Variants in TTC7B observed in about 807,000 individuals in gnomAD.
TTC7B encodes tetratricopeptide repeat protein 7B.
A neutral mutation model predicts 106.8 loss-of-function variants in TTC7B; 28 were observed. The ratio of observed to expected loss-of-function variants is 0.26; its 90% CI spans 0.19 to 0.36. TTC7B has a LOEUF of 0.36. Among genes scored for constraint, TTC7B ranks in the 10% least tolerant of loss-of-function variants. The pLI, the probability that TTC7B is intolerant of heterozygous loss-of-function variation, is 1.00. For synonymous variants in TTC7B, 405 were observed against 430.6 expected (o/e 0.94, Z 0.74); for missense variants, 862 against 1,076.4 (o/e 0.80, Z 2.79).
chr14:90,640,283 AAAAG>A (rs1452015765), intron 15 of TTC7B, among the ~76,000 whole-genome samples: 2 of 151,402 alleles, frequency 1.3e-5, no homozygotes, highest in Non-Finnish European at 3.0e-5. Flanking sequence ...AAACAAAAAA[AAAAG>A]AGAGAGAGAA....
chr14:90,769,391 A>T (rs934623894), intron 3 of TTC7B, among the ~76,000 whole-genome samples: 1 of 152,238 alleles, frequency 6.6e-6, no homozygotes, highest in Non-Finnish European at 1.5e-5. Flanking sequence ...GAATGGATTT[A>T]AAAAACATGA....
At chr14:90,671,337 C>T (rs1253360952) in intron 9 of TTC7B, among the ~76,000 whole-genome samples, 1 of 152,212 alleles carries the variant, frequency 6.6e-6, no homozygotes, top group Non-Finnish European at 1.5e-5. Context: ...TTACCACAAA[C>T]ACATGAATAT....
At chr14:90,658,119 A>T (rs1886025255) in intron 10 of TTC7B, 185 bp downstream of exon 10, 1 of 597,602 alleles carries the variant, frequency 1.7e-6, no homozygotes, top group South Asian at 2.1e-5. Flanking sequence ...CTTCTCAGTG[A>T]TAAGTCCATC....
chr14:90,796,222 G>A (rs987781394), intron 1 of TTC7B, among the ~76,000 whole-genome samples: 1 of 152,172 alleles, frequency 6.6e-6, no homozygotes, highest in Non-Finnish European at 1.5e-5. Flanking sequence ...ATTCTCAGGG[G>A]ACAGGGGTAA....
chr14:90,786,733 T>A (rs1369279744), intron 1 of TTC7B, among the ~76,000 whole-genome samples: 2 of 152,074 alleles, frequency 1.3e-5, no homozygotes, highest in Admixed American at 1.3e-4. Context: ...GCACCTGCCA[T>A]CACGCCCGAC....
At chr14:90,546,428 G>T (rs1035462009) in intron 19 of TTC7B, among the ~76,000 whole-genome samples, 5 of 152,234 alleles carry the variant, frequency 3.3e-5, no homozygotes, top group African/African-American at 7.2e-5. Context: ...AGCACCAGCT[G>T]CGTCCAACCT....
At chr14:90,637,932 C>G (rs1566811671) in intron 15 of TTC7B, among the ~76,000 whole-genome samples, 1 of 152,192 alleles carries the variant, frequency 6.6e-6, no homozygotes, top group Admixed American at 6.5e-5. Flanking sequence ...GGGCCTCGCT[C>G]TGTTGCCCAG....
intron 17 of TTC7B, chr14:90,601,985 G>C: frequency 2.7e-6 from 1 of 370,932 alleles, no homozygotes; most frequent in South Asian, 2.1e-5. Context: ...CCTAATGTGT[G>C]ATGACAGCAC....
At chr14:90,656,649 C>T (rs1022906822) in intron 11 of TTC7B, among the ~76,000 whole-genome samples, 10 of 152,078 alleles carry the variant, frequency 6.6e-5, no homozygotes, top group African/African-American at 2.2e-4. Context: ...AAAAATTAGC[C>T]GGGTGCAGTG....
intron 10 of TTC7B, 100 bp downstream of exon 10, chr14:90,658,204 A>G (rs1263939325): frequency 9.8e-6 from 10 of 1,025,576 alleles, no homozygotes; most frequent in Non-Finnish European, 1.5e-5. Flanking sequence ...GGCTCGAAAG[A>G]CTTCCACAAA....
At chr14:90,665,011 G>A (rs147530711) in intron 9 of TTC7B, among the ~76,000 whole-genome samples, 6 of 152,270 alleles carry the variant, frequency 3.9e-5, no homozygotes, top group Non-Finnish European at 7.4e-5. Context: ...GTCTTTGAGT[G>A]GCATGAGCTA....
intron 5 of TTC7B, among the ~76,000 whole-genome samples, chr14:90,728,250 C>A (rs1889186911): frequency 7.0e-6 from 1 of 143,844 alleles, no homozygotes; most frequent in Non-Finnish European, 1.5e-5. Flanking sequence ...GTAATCCTAA[C>A]ACTTAGGGAG....
chr14:90,809,511 C>A (rs1298015785), intron 1 of TTC7B, among the ~76,000 whole-genome samples: 1 of 152,230 alleles, frequency 6.6e-6, no homozygotes, highest in East Asian at 1.9e-4. Flanking sequence ...GCTGGATTGA[C>A]AACCAGGGAA....
chr14:90,552,997 G>C lies in TTC7B; in HGVS notation c.2311-11408C>G, dbSNP rs543367277. On this transcript the variant is annotated intron_variant, in intron 19 of 19. Transcript: ENST00000328459. ...AAAGACTGAGGCCCAAAGAACCTCA[G>C]GAAGGGGAGTGATGCTTTTGTCTGG... is the stretch of plus-strand genomic sequence containing the variant. Among the ~76,000 whole-genome samples the C allele has an allele frequency of 2.6e-3, 403 of 152,372 alleles. 2 individuals carry two copies. Among genetic ancestry groups the C allele is most frequent in the Middle Eastern group, 6.8e-3 (2 of 294 alleles).
At chr14:90,763,392 T>A (rs1011528772) in intron 3 of TTC7B, among the ~76,000 whole-genome samples, 3 of 152,174 alleles carry the variant, frequency 2.0e-5, no homozygotes, top group Non-Finnish European at 4.4e-5. Context: ...ATAAAGGCTA[T>A]CTATGAAAAC....
chr14:90,650,276 CT>C (rs1885658621), intron 13 of TTC7B, among the ~76,000 whole-genome samples: 1 of 152,194 alleles, frequency 6.6e-6, no homozygotes. Context: ...GCCAATTCTC[CT>C]TGAATTTCCC....
Position 90,559,140 on chromosome 14 carries a change from A to C in TTC7B, c.2311-17551T>G, listed in dbSNP as rs1246015992. ...GGCACAGTGATGTGACCGCTTACCC[A>C]GGCCGGGCAAACGCGGAGCTTGGAG... On this transcript the variant is annotated intron_variant, in intron 19 of 19. Transcript: ENST00000328459. Among the ~76,000 whole-genome samples, 3 of 152,256 alleles carry C rather than the reference A, an allele frequency of 2.0e-5. No individual in the cohort carries two copies. In the East Asian group the frequency reaches 5.8e-4, roughly 29 times the overall value.
chr14:90,664,716 A>T (rs540169958), intron 9 of TTC7B, among the ~76,000 whole-genome samples: 1 of 152,334 alleles, frequency 6.6e-6, no homozygotes, highest in African/African-American at 2.4e-5. Context: ...GTGAGGACAA[A>T]AAGAGCAGTC....
chr14:90,788,724 G>A (rs1891475111), intron 1 of TTC7B, among the ~76,000 whole-genome samples: 1 of 152,068 alleles, frequency 6.6e-6, no homozygotes, highest in Non-Finnish European at 1.5e-5. Context: ...CAGCACTTTG[G>A]GAGGCCAAGG....
Sources: gnomAD v4.1 joint callset for allele counts (sites outside exome capture counted in the v4.1 genomes callset) on GRCh38, gnomAD v4.1.1 for gene constraint, MANE v1.5 for transcripts, NCBI Gene and HGNC (gene_info 2026-07-23, HGNC 2026-07-21) for gene names.